The following EIF2AK4 variants were observed in gnomAD, a reference collection of about 807,000 sequenced individuals.
EIF2AK4 encodes eukaryotic translation initiation factor 2 alpha kinase 4, also known as eIF-2-alpha kinase GCN2.
In EIF2AK4, 139 loss-of-function variants were observed where a neutral mutation model predicts 211.1. That is an observed-to-expected ratio of 0.66 (90% CI 0.57 to 0.76). EIF2AK4 has a LOEUF of 0.76. EIF2AK4 is among the 30% of genes least tolerant of loss of function. EIF2AK4 has a pLI of 0.00. For synonymous variants in EIF2AK4, 710 were observed against 751.3 expected, an observed-to-expected ratio of 0.94 and a Z score of 0.90; for missense variants, 1,664 against 2,043.8, an observed-to-expected ratio of 0.81 and a Z score of 3.58.
rs1035063420 is a variant in EIF2AK4 at position 40,001,573 on chromosome 15, G to GCAGAGAGC, written c.3159+351_3159+358dup. Among the ~76,000 whole-genome samples, 54 of 146,052 alleles carry GCAGAGAGC rather than the reference G, an allele frequency of 3.7e-4. No individual in the cohort carries two copies. In the Middle Eastern group the frequency reaches 0.011, roughly 31 times the overall value. On this transcript the variant is annotated intron_variant, in intron 21 of 38. Transcript: ENST00000263791. ...TGAGCCTGGGAGGCAGGCGGAGGTT[G>GCAGAGAGC]CAGAGAGCCGAGATCGTGCCACTGC...
Position 39,958,414 on chromosome 15 carries a change from A to G in EIF2AK4, c.743+2646A>G, listed in dbSNP as rs189368567. Among the ~76,000 whole-genome samples, 37 of 152,330 alleles carry G rather than the reference A, an allele frequency of 2.4e-4. 2 individuals carry two copies. The East Asian group carries it at 7.1e-3, about 29-fold the overall frequency. On this transcript the variant is annotated intron_variant, in intron 6 of 38. Coordinates refer to ENST00000263791, the MANE Select transcript of EIF2AK4 (RefSeq NM_001013703.4). ...TGTTTTCCCTATTCTAAAGCCAGGTATGGTAACTGCTGGCTCCTCACCCTT... is the reference window on the plus strand; with the variant it reads ...TGTTTTCCCTATTCTAAAGCCAGGTGTGGTAACTGCTGGCTCCTCACCCTT...
intron 18 of EIF2AK4, among the ~76,000 whole-genome samples, chr15:39,993,099 T>TCCATCCAC: frequency 7.5e-6 from 1 of 132,552 alleles, no homozygotes; most frequent in Non-Finnish European, 1.7e-5. Flanking sequence ...CATCCATCCA[T>TCCATCCAC]CCATCCACCC....
At chr15:39,955,998 C>T (rs2034386165) in intron 6 of EIF2AK4, among the ~76,000 whole-genome samples, 1 of 140,740 alleles carries the variant, frequency 7.1e-6, no homozygotes, top group Admixed American at 7.8e-5. Context: ...TTTTGTTGCT[C>T]ATTCCCTTTT....
chr15:39,934,370 G>A, intron 1 of EIF2AK4, 31 bp downstream of exon 1: 1 of 1,583,062 alleles, frequency 6.3e-7, no homozygotes, highest in Non-Finnish European at 8.6e-7. Flanking sequence ...GCCCGGGCTG[G>A]CGTGCCCTGG....
In EIF2AK4 at chr15:40,026,480, A is replaced by G. The variant is rs181574188; in HGVS notation, c.4502+391A>G. On this transcript the variant is annotated intron_variant, in intron 33 of 38. Transcript: ENST00000263791. ...AAGAAAAACAAAAAGAAAGAAATCA[A>G]TTTGATCCTTTTGAGAAACAAAGAT... Among the ~76,000 whole-genome samples, 16 of 152,320 alleles carry G rather than the reference A, an allele frequency of 1.1e-4. No homozygotes were observed. In the East Asian group the frequency reaches 2.7e-3, roughly 26 times the overall value.
At chr15:39,987,270 G>T (rs1349964391) in intron 14 of EIF2AK4, among the ~76,000 whole-genome samples, 1 of 152,226 alleles carries the variant, frequency 6.6e-6, no homozygotes, top group Non-Finnish European at 1.5e-5. Context: ...GGCCTTGTGA[G>T]GCCCGGAGGG....
Position 40,001,150 on chromosome 15 carries a change from A to G in EIF2AK4, c.3085A>G (p.Thr1029Ala). ...CAACGTGGATGGGAAGGCCTACCGC[A>G]CCATGATGGCCCAGATCTTCTCGCA... is the stretch of plus-strand genomic sequence containing the variant. ...LTNVDGKAYR[T>A]MMAQIFSQRI... The change falls in exon 21 of 39, where the codon ACC (threonine) becomes GCC (alanine). Residue 1029 changes from threonine to alanine, a missense_variant. By Grantham distance (58) the Thr-to-Ala change is moderately conservative. This residue lies in a region of EIF2AK4 where 622 missense variants were observed against 796.8 expected (regional missense o/e 0.78). Coordinates refer to ENST00000263791, the MANE Select transcript of EIF2AK4 (RefSeq NM_001013703.4). 6.2e-7 allele frequency: 1 copy of G among 1,614,144 alleles called. No homozygotes were observed. Among genetic ancestry groups the G allele is most frequent in the South Asian group, 1.1e-5 (1 of 91,078 alleles).
At chr15:39,954,651 AAG>A (rs2034365320) in intron 5 of EIF2AK4, among the ~76,000 whole-genome samples, 2 of 152,272 alleles carry the variant, frequency 1.3e-5, no homozygotes, top group Admixed American at 6.5e-5. Context: ...AGTGATGAAA[AAG>A]AGTAATTCAA....
At position 39,973,781 on chromosome 15, in the gene EIF2AK4, A is replaced by G. The variant is rs748994134; in HGVS notation, c.1818+32A>G. 4.3e-6 allele frequency: 7 copies of G among 1,610,518 alleles called. No homozygotes were observed. In the African/African-American group the frequency reaches 5.4e-5, roughly 12 times the overall value. On this transcript the variant is annotated intron_variant, in intron 11 of 38. Coordinates refer to ENST00000263791, the MANE Select transcript of EIF2AK4 (RefSeq NM_001013703.4). The stretch of plus-strand genomic sequence containing the variant: ...TACAGAGTCATTCCCAGTCCCCTTT[A>G]GAGCTCCTTCTCTGTTCCATTTCCA...
chr15:39,990,177 A>G, intron 15 of EIF2AK4, 96 bp from the exon 16 acceptor site: 1 of 1,211,672 alleles, frequency 8.3e-7, no homozygotes, highest in Non-Finnish European at 1.2e-6. Flanking sequence ...AAGACCTCAT[A>G]CGATTTTCAT....
intron 36 of EIF2AK4, 92 bp from the exon 37 acceptor site, chr15:40,032,665 C>A: frequency 8.4e-7 from 1 of 1,190,154 alleles, no homozygotes; most frequent in Non-Finnish European, 1.2e-6. Context: ...ACTCTGCAAA[C>A]CCTATTCATA....
At position 39,967,865 on chromosome 15, in the gene EIF2AK4, A is replaced by C; in HGVS notation, c.1539A>C (p.Gln513His). Residue 513 changes from glutamine (Q) to histidine (H), a missense_variant, in exon 9 of 39, where the codon CAA (glutamine) becomes CAC (histidine). By Grantham distance (24) the Gln-to-His change is conservative. Around this residue, in one of 7 missense-constraint regions of EIF2AK4, gnomAD observed 641 missense variants for 729.6 expected, o/e 0.88. Coordinates refer to ENST00000263791, the MANE Select transcript of EIF2AK4 (RefSeq NM_001013703.4). ...CTAGTGACTTACCAGCTGACTTTCA[A>C]GATTTTCTAAAGAAGTGAGTATCAC... ...TIPSDLPADF[Q>H]DFLKKCVCLD... is the part of the protein sequence containing the mutation. The C allele has an allele frequency of 6.2e-7, 1 of 1,613,722 alleles. No individual in the cohort carries two copies. Among genetic ancestry groups the C allele is most frequent in the South Asian group, 1.1e-5 (1 of 91,078 alleles).
At chr15:39,969,155 G>T (rs2034586161) in intron 9 of EIF2AK4, among the ~76,000 whole-genome samples, 1 of 151,870 alleles carries the variant, frequency 6.6e-6, no homozygotes. Flanking sequence ...CTTCTTCATT[G>T]ATGAAGAGTA....
chr15:40,020,439 G>A (rs1231918811), intron 30 of EIF2AK4: 2 of 150,472 alleles, frequency 1.3e-5, no homozygotes, highest in African/African-American at 4.9e-5. Context: ...CTTGAGGCCA[G>A]AAGTTCGAGA....
At chr15:40,012,299 G>C (rs943208586) in intron 27 of EIF2AK4, among the ~76,000 whole-genome samples, 2 of 152,186 alleles carry the variant, frequency 1.3e-5, no homozygotes, top group Admixed American at 6.5e-5. Context: ...CTGTAAAACA[G>C]CTTTCAGAGG....
chr15:39,976,459 C>T lies in EIF2AK4; in HGVS notation c.1864C>T (p.Pro622Ser). ...DGCCYAVKRI[P>S]INPASRQFRR... Reference sequence around the variant, plus strand: ...CTGCTGCTACGCAGTGAAGCGCATCCCCATCAACCCGGCCAGCCGGCAGTT... The same window carrying T: ...CTGCTGCTACGCAGTGAAGCGCATCTCCATCAACCCGGCCAGCCGGCAGTT... The change falls in exon 12 of 39, where the codon CCC (proline) becomes TCC (serine). Residue 622 changes from proline to serine, a missense_variant. Pro to Ser is a moderately conservative substitution (Grantham distance 74, BLOSUM62 -1). This residue lies in a region of EIF2AK4 where 37 missense variants were observed against 84.0 expected (regional missense o/e 0.44). Coordinates refer to ENST00000263791, the MANE Select transcript of EIF2AK4 (RefSeq NM_001013703.4). 2 of 1,610,330 alleles carry T rather than the reference C, an allele frequency of 1.2e-6. No homozygotes were observed. The highest frequency in any genetic ancestry group is 1.7e-6 in the Non-Finnish European group (2 of 1,179,000).
chr15:40,027,168 ATTGT>A (rs1457785450), intron 33 of EIF2AK4, among the ~76,000 whole-genome samples: 3 of 152,236 alleles, frequency 2.0e-5, no homozygotes, highest in African/African-American at 7.2e-5. Flanking sequence ...GGAAAATGGC[ATTGT>A]TTAAAATATT....
Position 40,022,588 on chromosome 15 carries a change from G to C in EIF2AK4, c.4372G>C (p.Glu1458Gln). 1 of 1,614,186 alleles carries C rather than the reference G, an allele frequency of 6.2e-7. No homozygotes were observed. Among genetic ancestry groups the C allele is most frequent in the Non-Finnish European group, 8.5e-7 (1 of 1,180,012 alleles). The change falls in exon 32 of 39, where the codon GAA becomes CAA. Residue 1458 changes from glutamate (E) to glutamine (Q), a missense_variant. This residue lies in a region of EIF2AK4 where 622 missense variants were observed against 796.8 expected (regional missense o/e 0.78). Transcript: ENST00000263791. ...ITYVALVSDKEGSHVKVKSFE... is the reference protein window; with the variant it reads ...ITYVALVSDKQGSHVKVKSFE... ...CTATGTGGCCCTTGTCTCGGATAAAGAAGGAAGCCATGTCAAGGTAAAGAC... is the reference window on the plus strand; with the variant it reads ...CTATGTGGCCCTTGTCTCGGATAAACAAGGAAGCCATGTCAAGGTAAAGAC...
chr15:39,975,263 A>T (rs2140917727), intron 11 of EIF2AK4: 1 of 152,358 alleles, frequency 6.6e-6, no homozygotes, highest in African/African-American at 2.4e-5. Context: ...AGATAAAACC[A>T]GCATTCAGAC....
Sources: allele counts gnomAD v4.1 joint callset (sites outside exome capture counted in the v4.1 genomes callset), GRCh38; gene constraint gnomAD v4.1.1; regional missense constraint gnomAD v4.1.1; transcripts MANE v1.5; gene names NCBI Gene and HGNC (gene_info 2026-07-23, HGNC 2026-07-21).